Variants in TBC1D22A observed in about 807,000 individuals in gnomAD.
TBC1D22A encodes the protein TBC1 domain family member 22A.
A neutral mutation model predicts 60.2 loss-of-function variants in TBC1D22A; 38 were observed. The ratio of observed to expected loss-of-function variants is 0.63; its 90% CI spans 0.49 to 0.83. The LOEUF (loss-of-function observed/expected upper bound fraction) is 0.83. TBC1D22A is among the 40% of genes least tolerant of loss of function. TBC1D22A has a pLI of 0.00. For synonymous variants in TBC1D22A, 302 were observed against 281.7 expected (o/e 1.07, Z -0.72); for missense variants, 628 against 701.0 (o/e 0.90, Z 1.18).
rs190460228 is a variant in TBC1D22A, at chr22:47,045,636, C to T, written c.1329+8438C>T. Reference sequence around the variant, plus strand: ...GGGTTAGCGTTTTGATGACTCTTTTCTCCCATTGTGTTCATTTCTTGCTCA... The same window carrying T: ...GGGTTAGCGTTTTGATGACTCTTTTTTCCCATTGTGTTCATTTCTTGCTCA... On this transcript the variant is annotated intron_variant, in intron 11 of 12. Transcript: ENST00000337137. 1.2e-3 allele frequency among the ~76,000 whole-genome samples: 183 copies of T among 152,324 alleles called. 2 individuals carry two copies. Among genetic ancestry groups the T allele is most frequent in the Admixed American group, 0.011 (169 of 15,298 alleles).
chr22:47,156,270 A>C (rs769663680), intron 12 of TBC1D22A, among the ~76,000 whole-genome samples: 1 of 152,172 alleles, frequency 6.6e-6, no homozygotes, highest in Non-Finnish European at 1.5e-5. Flanking sequence ...CTTCCACGTG[A>C]AGATGTCATT....
chr22:46,784,847 T>G (rs1285369136), intron 1 of TBC1D22A, among the ~76,000 whole-genome samples: 1 of 152,248 alleles, frequency 6.6e-6, no homozygotes, highest in African/African-American at 2.4e-5. Flanking sequence ...GTTATCTCAT[T>G]TCATACATGT....
At chr22:46,995,166 A>C (rs1025276679) in intron 9 of TBC1D22A, among the ~76,000 whole-genome samples, 11 of 152,152 alleles carry the variant, frequency 7.2e-5, no homozygotes, top group Non-Finnish European at 1.6e-4. Context: ...TATCATCCCC[A>C]GGCCCGGGAG....
chr22:47,145,307 G>A (rs1265995674), intron 12 of TBC1D22A, among the ~76,000 whole-genome samples: 2 of 152,160 alleles, frequency 1.3e-5, no homozygotes, highest in Non-Finnish European at 2.9e-5. Flanking sequence ...ATTTTCTCAG[G>A]TAGTGACCCG....
rs375316539 is a variant in TBC1D22A at position 46,996,838 on chromosome 22, A to G, written c.1126-796A>G. On this transcript the variant is annotated intron_variant, in intron 9 of 12. Transcript: ENST00000337137. ...TGACAGCAGGAGTAATGGACCTGTCACTGCCCCGGTACCTGCTGTGTCTTG... is the reference window on the plus strand; with the variant it reads ...TGACAGCAGGAGTAATGGACCTGTCGCTGCCCCGGTACCTGCTGTGTCTTG... Among the ~76,000 whole-genome samples the G allele has an allele frequency of 1.6e-4, 24 of 152,286 alleles. No homozygotes were observed. The East Asian group carries it at 4.1e-3, about 26-fold the overall frequency.
intron 4 of TBC1D22A, among the ~76,000 whole-genome samples, chr22:46,869,879 G>T (rs149746098): frequency 1.3e-5 from 2 of 152,192 alleles, no homozygotes; most frequent in Non-Finnish European, 2.9e-5. Flanking sequence ...CAGAAAAAAG[G>T]TTCTTATAAT....
intron 8 of TBC1D22A, among the ~76,000 whole-genome samples, chr22:46,918,318 C>G (rs1257670248): frequency 6.6e-6 from 1 of 152,200 alleles, no homozygotes. Flanking sequence ...CTCAGCTGAG[C>G]CTATGTGTTT....
At chr22:46,993,726 C>G (rs2075024991) in intron 9 of TBC1D22A, among the ~76,000 whole-genome samples, 1 of 152,234 alleles carries the variant, frequency 6.6e-6, no homozygotes, top group Non-Finnish European at 1.5e-5. Flanking sequence ...CTCCCTGGGA[C>G]AGGCTGCTGC....
At chr22:47,129,587 C>G (rs1245505062) in intron 12 of TBC1D22A, among the ~76,000 whole-genome samples, 2 of 152,212 alleles carry the variant, frequency 1.3e-5, no homozygotes, top group Non-Finnish European at 2.9e-5. Flanking sequence ...GCATACAAAT[C>G]TAGCCATTTT....
chr22:46,918,305 C>T (rs4823895), intron 8 of TBC1D22A, among the ~76,000 whole-genome samples: 83,451 of 152,054 alleles, frequency 0.55, 23,820 homozygotes, highest in East Asian at 0.71. Flanking sequence ...GGCCAAAGCA[C>T]GCCTCAGCTG....
At chr22:46,942,192 C>T (rs769839535) in intron 8 of TBC1D22A, among the ~76,000 whole-genome samples, 4 of 151,874 alleles carry the variant, frequency 2.6e-5, no homozygotes, top group African/African-American at 4.8e-5. Flanking sequence ...GCAGGCTGCC[C>T]GGCATGTGGT....
chr22:46,956,674 G>A (rs970089716), intron 8 of TBC1D22A, among the ~76,000 whole-genome samples: 1 of 152,198 alleles, frequency 6.6e-6, no homozygotes, highest in African/African-American at 2.4e-5. Context: ...GCAGAAGCCT[G>A]TGGGCCTGTG....
intron 12 of TBC1D22A, among the ~76,000 whole-genome samples, chr22:47,144,671 C>T (rs963477349): frequency 2.6e-5 from 4 of 152,084 alleles, no homozygotes; most frequent in African/African-American, 9.7e-5. Flanking sequence ...CGGGACTTCA[C>T]GGGTGCAGCC....
In TBC1D22A at chr22:47,111,615, T is replaced by C. The variant is rs199545377; in HGVS notation, c.1425+12T>C. On this transcript the variant is annotated intron_variant, in intron 12 of 12. Coordinates refer to ENST00000337137, the MANE Select transcript of TBC1D22A (RefSeq NM_014346.5). ...AAAAAGATTTTCAAGTAAGTAAATGTCTTTTCAAAAGAACCCAAGTTTGAT... is the reference window on the plus strand; with the variant it reads ...AAAAAGATTTTCAAGTAAGTAAATGCCTTTTCAAAAGAACCCAAGTTTGAT... 112 of 1,608,112 alleles carry C rather than the reference T, an allele frequency of 7.0e-5. No homozygotes were observed. Among genetic ancestry groups the C allele is most frequent in the Non-Finnish European group, 8.4e-5 (99 of 1,176,328 alleles).
At chr22:46,768,422 T>C (rs543447783) in intron 1 of TBC1D22A, among the ~76,000 whole-genome samples, 11 of 142,804 alleles carry the variant, frequency 7.7e-5, no homozygotes, top group Admixed American at 5.3e-4. Flanking sequence ...GAGGCAGAGG[T>C]TGCAGTGAGC....
At chr22:46,937,075 G>A (rs893175114) in intron 8 of TBC1D22A, among the ~76,000 whole-genome samples, 10 of 152,160 alleles carry the variant, frequency 6.6e-5, no homozygotes, top group African/African-American at 2.2e-4. Flanking sequence ...GCACAGGTAT[G>A]CTCTGCGCTT....
chr22:46,878,857 T>G (rs1004373493), intron 5 of TBC1D22A, 134 bp downstream of exon 5: 10 of 671,512 alleles, frequency 1.5e-5, no homozygotes, highest in Non-Finnish European at 2.5e-5. Flanking sequence ...AGGCCTTTGC[T>G]ATGGCTAAGC....
At chr22:46,847,833 A>G (rs973289039) in intron 4 of TBC1D22A, among the ~76,000 whole-genome samples, 5 of 152,188 alleles carry the variant, frequency 3.3e-5, no homozygotes, top group African/African-American at 1.2e-4. Flanking sequence ...TCCATTGTAA[A>G]TGGACACTTT....
At chr22:46,930,590 G>C (rs2071300590) in intron 8 of TBC1D22A, among the ~76,000 whole-genome samples, 1 of 151,466 alleles carries the variant, frequency 6.6e-6, no homozygotes, top group African/African-American at 2.4e-5. Context: ...TGAGTAGCTG[G>C]GACTACGGGC....
Sources: allele counts gnomAD v4.1 joint callset (sites outside exome capture counted in the v4.1 genomes callset), GRCh38; gene constraint gnomAD v4.1.1; transcripts MANE v1.5; gene names NCBI Gene and HGNC (gene_info 2026-07-23, HGNC 2026-07-21).